The following RYR1 variants were observed in gnomAD, a reference collection of about 807,000 sequenced individuals.
RYR1 encodes the protein central core disease of muscle.
RYR1 carries 342 observed loss-of-function variants against 583.5 expected under a neutral mutation model. The ratio of observed to expected loss-of-function variants is 0.59; its 90% CI spans 0.54 to 0.64. The LOEUF (loss-of-function observed/expected upper bound fraction) is 0.64, where lower values mean the gene tolerates loss of function less well. Among genes scored for constraint, RYR1 ranks in the 30% least tolerant of loss-of-function variants. The pLI, the probability that RYR1 is intolerant of heterozygous loss-of-function variation, is 0.00. For missense variants in RYR1, 6,032 were observed against 6,917.2 expected (o/e 0.87, Z 4.54); for synonymous variants, 2,791 against 2,822.5 (o/e 0.99, Z 0.35).
chr19:38,504,143 G>C, intron 49 of RYR1, 77 bp from the exon 50 acceptor site: 2 of 1,492,380 alleles, frequency 1.3e-6, no homozygotes, highest in African/African-American at 1.4e-5. Flanking sequence ...GCATGCCTGT[G>C]TCTCTCTGGG....
rs138968417 is a variant in RYR1, at chr19:38,582,875, C to A, written c.14647-2068C>A. Among the ~76,000 whole-genome samples, 504 of 152,270 alleles carry A rather than the reference C, an allele frequency of 3.3e-3. 5 individuals are homozygous for A. Among genetic ancestry groups the A allele is most frequent in the African/African-American group, 0.011 (462 of 41,540 alleles). ...CCTGCTCTCAGGACAAAGTCCAGCTCCTCAACCTGACATCTGAGGCTCTTC... is the reference window on the plus strand; with the variant it reads ...CCTGCTCTCAGGACAAAGTCCAGCTACTCAACCTGACATCTGAGGCTCTTC... On this transcript the variant is annotated intron_variant, in intron 101 of 105. Transcript: ENST00000359596.
chr19:38,523,070 G>A lies in RYR1; in HGVS notation c.10302G>A (p.Leu3434=). ...AGCCGAATCCCAGCGCGGAGGAGCT[G>A]TTCAGGATGGTGGGCGAGATCTTCA... ...LTEPNPSAEE[L]FRMVGEIFIY... is the part of the protein sequence containing the mutation. Residue 3434 remains leucine, a synonymous_variant, in exon 68 of 106, where the codon CTG becomes CTA. Transcript: ENST00000359596. 1.2e-6 allele frequency: 2 copies of A among 1,611,970 alleles called. No individual in the cohort carries two copies. Among genetic ancestry groups the A allele is most frequent in the Non-Finnish European group, 1.7e-6 (2 of 1,179,676 alleles).
chr19:38,555,328 T>C (rs1335661262), intron 89 of RYR1, among the ~76,000 whole-genome samples: 3 of 151,810 alleles, frequency 2.0e-5, no homozygotes, highest in African/African-American at 7.3e-5. Flanking sequence ...GGCACATGCC[T>C]GTAGTCCTAG....
intron 21 of RYR1, 59 bp from the exon 22 acceptor site, chr19:38,463,688 G>A: frequency 6.5e-7 from 1 of 1,537,930 alleles, no homozygotes. Context: ...CATAGTCTGG[G>A]CATGTGGGGA....
In RYR1 at chr19:38,483,613, T is replaced by C; in HGVS notation, c.4934+97T>C. ...GCCCCTCCTCAACACAACCCCGGGA[T>C]TCCAGACTACACCCCAGGAATCTCC... On this transcript the variant is annotated intron_variant, in intron 33 of 105. Coordinates refer to ENST00000359596, the MANE Select transcript of RYR1 (RefSeq NM_000540.3). The surrounding 1 kb of genome is among the most constrained non-coding windows in gnomAD (Gnocchi z 6.3). The C allele has an allele frequency of 9.2e-7, 1 of 1,083,254 alleles. No individual in the cohort carries two copies. 67.1% of individuals were successfully genotyped at this position (1,083,254 alleles called of 1,614,324 possible).
At chr19:38,562,728 C>T (rs1365863410) in intron 90 of RYR1, among the ~76,000 whole-genome samples, 3 of 152,176 alleles carry the variant, frequency 2.0e-5, no homozygotes, top group East Asian at 1.9e-4. Flanking sequence ...CTCCTGTCCC[C>T]CCACAGAGTC....
chr19:38,532,642 T>C, intron 77 of RYR1, 29 bp from the exon 78 acceptor site: 2 of 1,614,058 alleles, frequency 1.2e-6, no homozygotes, highest in South Asian at 2.2e-5. Flanking sequence ...TCTGCTTTGT[T>C]CATCCCTTAA....
chr19:38,474,564 CTTTT>C (rs970000046), intron 28 of RYR1, among the ~76,000 whole-genome samples: 147 of 88,176 alleles, frequency 1.7e-3, no homozygotes, highest in African/African-American at 7.0e-3. Context: ...CGCCCGGCTC[CTTTT>C]TTTTTTTTTT....
At chr19:38,580,302 C>G in intron 100 of RYR1, 68 bp from the exon 101 acceptor site, 2 of 1,604,836 alleles carry the variant, frequency 1.2e-6, no homozygotes, top group South Asian at 1.1e-5. Context: ...GGGCCAGGAC[C>G]CAGCATGGGC....
At chr19:38,517,861 G>T (rs546935922) in intron 66 of RYR1, among the ~76,000 whole-genome samples, 170 bp downstream of exon 66, 95 of 152,282 alleles carry the variant, frequency 6.2e-4, no homozygotes, top group Non-Finnish European at 1.0e-3. Context: ...GCTCACAGCT[G>T]TAACACCAAC....
intron 92 of RYR1, among the ~76,000 whole-genome samples, chr19:38,567,326 G>A (rs996236203): frequency 1.3e-5 from 2 of 151,192 alleles, no homozygotes; most frequent in African/African-American, 2.4e-5. Flanking sequence ...ACCCTGTGTC[G>A]AAAAAGAAAA....
At chr19:38,450,830 G>A (rs535114134) in intron 11 of RYR1, among the ~76,000 whole-genome samples, 3 of 151,880 alleles carry the variant, frequency 2.0e-5, no homozygotes, top group South Asian at 4.2e-4. Context: ...TTGGACATGC[G>A]TAGCCCCAGG....
At chr19:38,517,184 T>C (rs1971008011) in intron 65 of RYR1, among the ~76,000 whole-genome samples, 175 bp from the exon 66 acceptor site, 1 of 150,780 alleles carries the variant, frequency 6.6e-6, no homozygotes, top group African/African-American at 2.4e-5. Flanking sequence ...TGAGTTTCAA[T>C]GTGAGGGTTG....
At chr19:38,447,959 G>A (rs1966882531) in intron 9 of RYR1, among the ~76,000 whole-genome samples, 1 of 151,860 alleles carries the variant, frequency 6.6e-6, no homozygotes, top group Non-Finnish European at 1.5e-5. Flanking sequence ...TGAGTAAAAT[G>A]ATGGGGGAAT....
intron 2 of RYR1, among the ~76,000 whole-genome samples, chr19:38,441,596 A>T (rs1175074555): frequency 2.0e-5 from 3 of 150,358 alleles, no homozygotes; most frequent in African/African-American, 7.4e-5. Flanking sequence ...TCCAAGGCAA[A>T]GGGGCCTGGA....
At chr19:38,530,918 T>A (rs750285240) in intron 76 of RYR1, among the ~76,000 whole-genome samples, 1 of 151,576 alleles carries the variant, frequency 6.6e-6, no homozygotes, top group Non-Finnish European at 1.5e-5. Context: ...TTCTCCTGCC[T>A]CAGCCTTCCG....
chr19:38,535,806 C>G, intron 81 of RYR1, 191 bp from the exon 82 acceptor site: 1 of 670,604 alleles, frequency 1.5e-6, no homozygotes, highest in East Asian at 2.7e-5. Context: ...TCAGCTTGCG[C>G]ATGGTTCATC....
chr19:38,467,846 C>A (rs549378125), intron 25 of RYR1, 34 bp downstream of exon 25: 10 of 1,602,738 alleles, frequency 6.2e-6, no homozygotes, highest in Non-Finnish European at 8.5e-6. Context: ...TCTGCCAGGT[C>A]CTGTGGTCTC....
At chr19:38,530,101 C>T (rs1034405477) in intron 76 of RYR1, among the ~76,000 whole-genome samples, 3 of 151,948 alleles carry the variant, frequency 2.0e-5, no homozygotes, top group African/African-American at 7.3e-5. Context: ...TTACAGGCGC[C>T]CACCACTACG....
Sources: allele counts gnomAD v4.1 joint callset (sites outside exome capture counted in the v4.1 genomes callset), GRCh38; gene constraint gnomAD v4.1.1; non-coding constraint Gnocchi (gnomAD v3.1); transcripts MANE v1.5; gene names NCBI Gene and HGNC (gene_info 2026-07-23, HGNC 2026-07-21).